PACC1: variants seen among roughly 807,000 people sequenced by gnomAD.
The protein encoded by PACC1 is proton-activated chloride channel.
A neutral mutation model predicts 39.7 loss-of-function variants in PACC1; 34 were observed. The ratio of observed to expected loss-of-function variants is 0.86; its 90% CI spans 0.65 to 1.14. PACC1 has a LOEUF of 1.14. PACC1 is among the 50% of genes most tolerant of loss of function. PACC1 has a pLI of 0.00. For missense variants in PACC1, 379 were observed against 436.4 expected (o/e 0.87, Z 1.17); for synonymous variants, 127 against 160.6 (o/e 0.79, Z 1.58).
At position 212,385,407 on chromosome 1, in the gene PACC1, C is replaced by T. The variant is rs1315492699; in HGVS notation, c.362G>A (p.Gly121Asp). ...YDAPGIALYP[G>D]QAQLLSCKHH... Reference sequence around the variant, plus strand: ...CTTACAGCTGAGCAACTGGGCCTGACCGGGGTACAAGGCAATACCTGGGGG... The same window carrying T: ...CTTACAGCTGAGCAACTGGGCCTGATCGGGGTACAAGGCAATACCTGGGGG... The change falls in exon 4 of 8, where the codon GGT (glycine) becomes GAT (aspartate). Residue 121 changes from glycine to aspartate, a missense_variant. By Grantham distance (94) the Gly-to-Asp change is moderately conservative. Transcript: ENST00000261455. 6.2e-7 allele frequency: 1 copy of T among 1,613,958 alleles called. No homozygotes were observed. Among genetic ancestry groups the T allele is most frequent in the Non-Finnish European group, 8.5e-7 (1 of 1,179,976 alleles).
chr1:212,387,449 T>C lies in PACC1; in HGVS notation c.134-349A>G, dbSNP rs528155057. 4.6e-5 allele frequency among the ~76,000 whole-genome samples: 7 copies of C among 152,312 alleles called. No homozygotes were observed. The South Asian group carries it at 1.5e-3, about 32-fold the overall frequency. On this transcript the variant is annotated intron_variant, in intron 2 of 7. Transcript: ENST00000261455. ...AAAAGGAGTTTACTCTCTAGAGGGA[T>C]AGGCAGTTACAATCCAACAAGTGAG...
At chr1:212,383,050 C>T (rs1250197849) in intron 4 of PACC1, among the ~76,000 whole-genome samples, 2 of 152,244 alleles carry the variant, frequency 1.3e-5, no homozygotes, top group Non-Finnish European at 2.9e-5. Flanking sequence ...TCTTCCTCCA[C>T]TGCTATATGC....
At chr1:212,413,455 A>C (rs1486038607) in intron 1 of PACC1, among the ~76,000 whole-genome samples, 1 of 152,228 alleles carries the variant, frequency 6.6e-6, no homozygotes, top group African/African-American at 2.4e-5. Flanking sequence ...AAGGACAGAC[A>C]GAAATGCAGA....
chr1:212,393,884 C>A (rs943339025), intron 2 of PACC1, among the ~76,000 whole-genome samples: 2 of 151,888 alleles, frequency 1.3e-5, no homozygotes, highest in African/African-American at 4.8e-5. Context: ...AAGACTAAAC[C>A]AGGAAGAAGT....
intron 4 of PACC1, 128 bp downstream of exon 4, chr1:212,385,146 C>T (rs1661050589): frequency 4.7e-6 from 5 of 1,074,208 alleles, no homozygotes; most frequent in Admixed American, 4.3e-5. Context: ...CCGCATGTCT[C>T]CTTGGGGACT....
intron 2 of PACC1, among the ~76,000 whole-genome samples, chr1:212,408,348 C>T (rs72754338): frequency 0.046 from 7,021 of 151,444 alleles, 259 homozygotes; most frequent in South Asian, 0.15. Context: ...TCCAGGCAGT[C>T]TTTTTTTACT....
chr1:212,377,895 TTC>T (rs1341645160), intron 5 of PACC1, among the ~76,000 whole-genome samples, 189 bp from the exon 6 acceptor site: 3 of 152,144 alleles, frequency 2.0e-5, no homozygotes, highest in Non-Finnish European at 4.4e-5. Context: ...CATCCCTCTT[TTC>T]TCTCCATTTG....
In PACC1 at chr1:212,364,714, G is replaced by T. The variant is rs1302901702; in HGVS notation, c.*501C>A. ...AAATCAAAGAGCATGTCAGAGGCTG[G>T]ACATCAATGGCAGATGATGCCAAAG... On this transcript the variant is annotated 3_prime_UTR_variant, in exon 8 of 8. Coordinates refer to ENST00000261455, the MANE Select transcript of PACC1 (RefSeq NM_018252.3). 1 of 152,618 alleles carries T rather than the reference G, an allele frequency of 6.6e-6. No homozygotes were observed. Among genetic ancestry groups the T allele is most frequent in the South Asian group, 2.1e-4 (1 of 4,826 alleles). The allele number at this position is 152,618 out of a possible 1,614,324, so 9.5% of individuals were successfully genotyped here.
chr1:212,386,946 G>C lies in PACC1; in HGVS notation c.288C>G (p.Leu96=), dbSNP rs765861081. 6 of 1,614,076 alleles carry C rather than the reference G, an allele frequency of 3.7e-6. No individual in the cohort carries two copies. In the African/African-American group the frequency reaches 8.0e-5, roughly 22 times the overall value. ...AAGACACAGACATGACAGGGTGCTT[G>C]AGTTTCTCACGAAAGTCTGTGATGG... ...YRTITDFREK[L]KHPVMSVSYK... The change falls in exon 3 of 8, where the codon CTC becomes CTG. Residue 96 remains leucine, a synonymous_variant. Transcript: ENST00000261455. This position sits in a 1 kb window ranked among gnomAD's most constrained non-coding sequence, Gnocchi z 5.0.
chr1:212,413,805 G>A (rs1662222768), intron 1 of PACC1: 1 of 1,347,638 alleles, frequency 7.4e-7, no homozygotes, highest in Non-Finnish European at 9.8e-7. Flanking sequence ...GGCAAATCTG[G>A]AGAGTATAAG....
At chr1:212,383,166 CTT>C (rs1198942286) in intron 4 of PACC1, among the ~76,000 whole-genome samples, 2 of 152,226 alleles carry the variant, frequency 1.3e-5, no homozygotes, top group East Asian at 3.9e-4. Flanking sequence ...AACACTCAGA[CTT>C]GGGGGCAGTA....
chr1:212,403,803 G>A (rs1193546825), intron 2 of PACC1, among the ~76,000 whole-genome samples: 1 of 152,032 alleles, frequency 6.6e-6, no homozygotes, highest in East Asian at 1.9e-4. Flanking sequence ...GGCCTCAAGT[G>A]ACTCACCCGC....
In PACC1 at chr1:212,365,192, T is replaced by G. The variant is rs777212888; in HGVS notation, c.*23A>C. 16 of 1,609,842 alleles carry G rather than the reference T, an allele frequency of 9.9e-6. No individual in the cohort carries two copies. The African/African-American group carries it at 1.7e-4, about 18-fold the overall frequency. ...GACAGCTCCCATTGATGTGGACAGTTCTCTAAACAACGCGAGGTGACTTCA... is the reference window on the plus strand; with the variant it reads ...GACAGCTCCCATTGATGTGGACAGTGCTCTAAACAACGCGAGGTGACTTCA... On this transcript the variant is annotated 3_prime_UTR_variant, in exon 8 of 8. Transcript: ENST00000261455.
In PACC1 at chr1:212,364,384, C is replaced by T. The variant is rs1350137056; in HGVS notation, c.*831G>A. ...GGGAGTCAGATCCATCTTGGGAGTC[C>T]AGACTCATACTACCTTTTTGTCCTT... On this transcript the variant is annotated 3_prime_UTR_variant, in exon 8 of 8. Coordinates refer to ENST00000261455, the MANE Select transcript of PACC1 (RefSeq NM_018252.3). 6.6e-6 allele frequency: 1 copy of T among 152,200 alleles called. No homozygotes were observed. The highest frequency in any genetic ancestry group is 1.5e-5 in the Non-Finnish European group (1 of 68,034). The allele number at this position is 152,200 out of a possible 1,614,324, so 9.4% of individuals were successfully genotyped here. A position where few individuals can be genotyped will look rare whatever the true frequency, so the allele number is the denominator to read the frequency against.
chr1:212,374,194 T>C (rs909944212), intron 7 of PACC1, among the ~76,000 whole-genome samples: 1 of 147,402 alleles, frequency 6.8e-6, no homozygotes, highest in Non-Finnish European at 1.5e-5. Context: ...AAATGTGGTG[T>C]GTATATATAT....
chr1:212,381,119 T>G (rs760765686), intron 4 of PACC1, among the ~76,000 whole-genome samples: 30 of 152,352 alleles, frequency 2.0e-4, no homozygotes, highest in Non-Finnish European at 2.9e-4. Context: ...TTTTGTCTAT[T>G]TGATCTGTGA....
chr1:212,392,976 C>T (rs1661380884), intron 2 of PACC1, among the ~76,000 whole-genome samples: 1 of 151,930 alleles, frequency 6.6e-6, no homozygotes, highest in South Asian at 2.1e-4. Context: ...GACTCCCACA[C>T]AATAATAATG....
rs556422578 is a variant in PACC1 at position 212,369,274 on chromosome 1, T to C, written c.892-3898A>G. ...AAAAGTAAGGAATTTAAAGAGATAA[T>C]CATTTATCCACAAAGACAGTAAGAA... On this transcript the variant is annotated intron_variant, in intron 7 of 7. Coordinates refer to ENST00000261455, the MANE Select transcript of PACC1 (RefSeq NM_018252.3). Among the ~76,000 whole-genome samples the C allele has an allele frequency of 3.3e-5, 5 of 152,206 alleles. No individual in the cohort carries two copies. In the South Asian group the frequency reaches 1.0e-3, roughly 32 times the overall value.
rs757561802 is a variant in PACC1, at chr1:212,380,009, C to T, written c.524G>A (p.Arg175Gln). The T allele has an allele frequency of 4.9e-5, 79 of 1,613,970 alleles. No individual in the cohort carries two copies. Among genetic ancestry groups the T allele is most frequent in the Non-Finnish European group, 6.4e-5 (75 of 1,180,002 alleles). The change falls in exon 5 of 8, where the codon CGG (arginine) becomes CAG (glutamine). Residue 175 changes from arginine (R) to glutamine (Q), a missense_variant. Transcript: ENST00000261455. ...VKSALIVQGP[R>Q]EVKKRELVFL... ...GACCAGCTCCCGCTTTTTCACTTCC[C>T]GGGGCCCCTGGACAATCAGGGCAGA...
Sources: allele counts gnomAD v4.1 joint callset (sites outside exome capture counted in the v4.1 genomes callset), GRCh38; gene constraint gnomAD v4.1.1; non-coding constraint Gnocchi (gnomAD v3.1); transcripts MANE v1.5; gene names NCBI Gene and HGNC (gene_info 2026-07-23, HGNC 2026-07-21).